RABGAP1: variants seen among roughly 807,000 people sequenced by gnomAD.
RABGAP1 encodes the protein RAB GTPase activating protein 1, also known as rab GTPase-activating protein 1.
In RABGAP1, 23 loss-of-function variants were observed where a neutral mutation model predicts 137.6. The observed-to-expected ratio is 0.17, with a 90% CI of 0.12 to 0.24. The LOEUF (loss-of-function observed/expected upper bound fraction) is 0.24, where lower values mean the gene tolerates loss of function less well. RABGAP1 is among the 10% of genes least tolerant of loss of function. The pLI is 1.00. For missense variants in RABGAP1, 906 were observed against 1,275.8 expected (o/e 0.71, Z 4.42); for synonymous variants, 451 against 450.7 (o/e 1.00, Z -0.01).
chr9:122,995,706 C>T (rs1350283015), intron 6 of RABGAP1, among the ~76,000 whole-genome samples: 2 of 151,478 alleles, frequency 1.3e-5, no homozygotes, highest in Non-Finnish European at 2.9e-5. Flanking sequence ...ATAGCTGGGA[C>T]TGTAGGCATG....
At chr9:122,938,883 C>T (rs1473891629), upstream of RABGAP1, 4 of 152,150 alleles carry the variant, frequency 2.6e-5, no homozygotes, top group African/African-American at 9.7e-5. Context: ...GAAGCAACCA[C>T]TCAGATAAAA....
At chr9:122,933,484 C>T in the RABGAP1 span, among the ~76,000 whole-genome samples, 1 of 142,552 alleles carries the variant, frequency 7.0e-6, no homozygotes, top group Non-Finnish European at 1.5e-5. Context: ...GAGGGAGTCT[C>T]ACTGTGTCAC....
At chr9:122,993,307 T>A (rs1244969067) in intron 6 of RABGAP1, among the ~76,000 whole-genome samples, 1 of 152,126 alleles carries the variant, frequency 6.6e-6, no homozygotes, top group African/African-American at 2.4e-5. Flanking sequence ...TTTTTCCTCT[T>A]GTCACTCAGG....
At chr9:122,947,744 CTTTTGG>C (rs1226962372) in intron 1 of RABGAP1, among the ~76,000 whole-genome samples, 2 of 151,966 alleles carry the variant, frequency 1.3e-5, no homozygotes, top group African/African-American at 4.8e-5. Flanking sequence ...TGTTTTGATT[CTTTTGG>C]TTTTGGTTTT....
At chr9:122,957,660 C>T (rs949898447) in intron 2 of RABGAP1, among the ~76,000 whole-genome samples, 1 of 151,760 alleles carries the variant, frequency 6.6e-6, no homozygotes, top group Non-Finnish European at 1.5e-5. Flanking sequence ...TTCCAATGCC[C>T]TATTATTGTT....
At chr9:123,098,692 C>G in intron 22 of RABGAP1, 23 bp from the exon 23 acceptor site, 1 of 1,602,624 alleles carries the variant, frequency 6.2e-7, no homozygotes, top group Admixed American at 1.7e-5. Flanking sequence ...AACATAGTCC[C>G]TTTTGTTTTT....
chr9:123,088,792 C>A (rs190650433), intron 19 of RABGAP1, among the ~76,000 whole-genome samples: 1 of 152,070 alleles, frequency 6.6e-6, no homozygotes, highest in African/African-American at 2.4e-5. Context: ...AAGCCTGTTA[C>A]CTAGAAGGAA....
intron 2 of RABGAP1, among the ~76,000 whole-genome samples, chr9:122,982,282 T>C (rs961620376): frequency 7.2e-5 from 11 of 152,354 alleles, no homozygotes; most frequent in African/African-American, 2.4e-5. Flanking sequence ...ACAGTTCTTA[T>C]GTTTATAAAA....
Position 123,059,964 on chromosome 9 carries a change from C to G in RABGAP1, c.1795-5384C>G, listed in dbSNP as rs182889253. On this transcript the variant is annotated intron_variant, in intron 13 of 25. Transcript: ENST00000373647. ...CATGGGTCTGCCTTTGGGTGATGCA[C>G]TAGAAGTGGAAAGGAAGAGACAGAA... 3.9e-5 allele frequency among the ~76,000 whole-genome samples: 6 copies of G among 152,236 alleles called. No individual in the cohort carries two copies. In the East Asian group the frequency reaches 1.2e-3, roughly 29 times the overall value.
intron 2 of RABGAP1, among the ~76,000 whole-genome samples, chr9:122,978,138 T>C (rs903334246): frequency 2.6e-5 from 4 of 152,194 alleles, no homozygotes; most frequent in Admixed American, 2.0e-4. Flanking sequence ...GGAATACTTT[T>C]ATTACTCCCA....
At chr9:123,051,958 ATTTTTTTT>A (rs58591585) in intron 13 of RABGAP1, among the ~76,000 whole-genome samples, 28 of 130,678 alleles carry the variant, frequency 2.1e-4, no homozygotes, top group African/African-American at 6.1e-4. Flanking sequence ...CGCCCGGCTA[ATTTTTTTT>A]TTTTTTTTTT....
At chr9:123,069,390 C>T (rs1478815482) in intron 14 of RABGAP1, among the ~76,000 whole-genome samples, 1 of 152,140 alleles carries the variant, frequency 6.6e-6, no homozygotes, top group Non-Finnish European at 1.5e-5. Context: ...TTGAATAGAA[C>T]ATCACCCTGT....
intron 2 of RABGAP1, among the ~76,000 whole-genome samples, chr9:122,958,319 G>T (rs1293664239): frequency 6.6e-6 from 1 of 152,194 alleles, no homozygotes; most frequent in Non-Finnish European, 1.5e-5. Context: ...GAGCTTGTGT[G>T]TTTGGGGAGG....
chr9:123,078,870 C>G (rs529491891), intron 19 of RABGAP1, among the ~76,000 whole-genome samples: 14 of 152,300 alleles, frequency 9.2e-5, no homozygotes, highest in African/African-American at 3.4e-4. Flanking sequence ...TTTCCTGTTT[C>G]CACAGTGGCT....
rs911931914 is a variant in RABGAP1, at chr9:123,049,313, T to C, written c.1795-16035T>C. Among the ~76,000 whole-genome samples, 3 of 152,048 alleles carry C rather than the reference T, an allele frequency of 2.0e-5. No individual in the cohort carries two copies. In the South Asian group the frequency reaches 6.2e-4, roughly 32 times the overall value. On this transcript the variant is annotated intron_variant, in intron 13 of 25. Transcript: ENST00000373647. ...TTTTTGTTGTTGTTGTTGTTGTTGT[T>C]TTGTGTGTTTGGAGTAAGTTGTTTG...
chr9:123,094,362 T>C (rs1351719400), intron 21 of RABGAP1, among the ~76,000 whole-genome samples: 6 of 152,246 alleles, frequency 3.9e-5, no homozygotes, highest in Non-Finnish European at 7.3e-5. Context: ...AATTCTCCTC[T>C]GTTCCTGTTT....
chr9:123,065,559 G>A, intron 14 of RABGAP1, 98 bp downstream of exon 14: 1 of 925,714 alleles, frequency 1.1e-6, no homozygotes, highest in Non-Finnish European at 1.7e-6. Flanking sequence ...TGTATTTGAT[G>A]TTCAAGAATT....
chr9:122,992,483 C>T (rs1310559987), intron 6 of RABGAP1, among the ~76,000 whole-genome samples: 1 of 152,012 alleles, frequency 6.6e-6, no homozygotes, highest in Non-Finnish European at 1.5e-5. Context: ...TGATCATAAA[C>T]ATCTCTGTTC....
At chr9:123,058,040 G>A (rs750632357) in intron 13 of RABGAP1, among the ~76,000 whole-genome samples, 12 of 103,978 alleles carry the variant, frequency 1.2e-4, no homozygotes, top group East Asian at 3.6e-4. Context: ...GAGGGAGACC[G>A]TGGAAAGAGA....
Sources: allele counts gnomAD v4.1 joint callset (sites outside exome capture counted in the v4.1 genomes callset), GRCh38; gene constraint gnomAD v4.1.1; transcripts MANE v1.5; gene names NCBI Gene and HGNC (gene_info 2026-07-23, HGNC 2026-07-21).